The following KIAA1217 variants were observed in gnomAD, a reference collection of about 807,000 sequenced individuals.
KIAA1217 encodes the protein KIAA1217.
A neutral mutation model predicts 163.9 loss-of-function variants in KIAA1217; 88 were observed. The ratio of observed to expected loss-of-function variants is 0.54; its 90% CI spans 0.45 to 0.64. KIAA1217 has a LOEUF of 0.64. KIAA1217 is among the 30% of genes least tolerant of loss of function. The pLI is 0.00. For synonymous variants in KIAA1217, 903 were observed against 923.1 expected (o/e 0.98, Z 0.39); for missense variants, 2,372 against 2,475.0 (o/e 0.96, Z 0.88).
chr10:23,791,401 G>GA (rs1365584841), intron 1 of KIAA1217, among the ~76,000 whole-genome samples: 3 of 151,732 alleles, frequency 2.0e-5, no homozygotes, highest in Admixed American at 1.3e-4. Context: ...GAGTTATTTT[G>GA]AAAAAAAGAA....
intron 1 of KIAA1217, among the ~76,000 whole-genome samples, chr10:23,823,530 C>T (rs1837724939): frequency 2.0e-5 from 3 of 152,142 alleles, no homozygotes; most frequent in South Asian, 4.1e-4. Context: ...CAGGATAACT[C>T]CCTCAAAATC....
intron 3 of KIAA1217, among the ~76,000 whole-genome samples, chr10:24,387,681 A>C (rs1359702768): frequency 2.0e-5 from 3 of 152,226 alleles, no homozygotes; most frequent in African/African-American, 4.8e-5. Context: ...AAATCTCCTT[A>C]AGCTGATAAG....
chr10:23,761,075 T>A (rs1016497350), intron 1 of KIAA1217, among the ~76,000 whole-genome samples: 5 of 151,810 alleles, frequency 3.3e-5, no homozygotes, highest in African/African-American at 1.2e-4. Context: ...CATCGTGAGA[T>A]CTCATCTCTA....
At chr10:24,236,476 T>C (rs1369441541) in intron 2 of KIAA1217, among the ~76,000 whole-genome samples, 3 of 152,132 alleles carry the variant, frequency 2.0e-5, no homozygotes, top group Non-Finnish European at 4.4e-5. Flanking sequence ...ACTCCTGGCC[T>C]CAGGTGATCC....
At chr10:24,367,243 C>CT (rs1201626053) in intron 2 of KIAA1217, 1 of 747,438 alleles carries the variant, frequency 1.3e-6, no homozygotes, top group Non-Finnish European at 1.6e-6. Flanking sequence ...GTTGCACCCT[C>CT]ATCCTGCACC....
At chr10:24,169,791 T>C (rs2065537662) in intron 2 of KIAA1217, among the ~76,000 whole-genome samples, 1 of 152,136 alleles carries the variant, frequency 6.6e-6, no homozygotes, top group African/African-American at 2.4e-5. Context: ...TCATCTGGTT[T>C]CCATGGCAAC....
intron 2 of KIAA1217, among the ~76,000 whole-genome samples, chr10:24,252,959 C>G (rs542854405): frequency 1.3e-5 from 2 of 151,154 alleles, no homozygotes; most frequent in South Asian, 4.2e-4. Flanking sequence ...TTGAGACCAG[C>G]CTGGGTAATA....
chr10:24,352,890 G>A lies in KIAA1217; in HGVS notation c.355-27979G>A, dbSNP rs562225111. ...AGTGCAAGCGAAAGGAGGGAATGTG[G>A]CTTTATAGGGGCTTGCAGGTAGATG... On this transcript the variant is annotated intron_variant, in intron 2 of 20. Transcript: ENST00000376454. 2.0e-5 allele frequency among the ~76,000 whole-genome samples: 3 copies of A among 152,092 alleles called. No homozygotes were observed. The South Asian group carries it at 6.2e-4, about 32-fold the overall frequency.
At chr10:24,403,682 T>C (rs2056838050) in intron 3 of KIAA1217, among the ~76,000 whole-genome samples, 1 of 152,060 alleles carries the variant, frequency 6.6e-6, no homozygotes, top group Non-Finnish European at 1.5e-5. Flanking sequence ...CAATTAGAAA[T>C]TGGATGAACT....
At chr10:24,257,927 C>T (rs2075330086) in intron 2 of KIAA1217, among the ~76,000 whole-genome samples, 1 of 152,194 alleles carries the variant, frequency 6.6e-6, no homozygotes, top group Non-Finnish European at 1.5e-5. Flanking sequence ...CTCCTAACTC[C>T]TTTCTCTTCC....
At chr10:24,236,536 G>A (rs1234975369) in intron 2 of KIAA1217, among the ~76,000 whole-genome samples, 2 of 150,666 alleles carry the variant, frequency 1.3e-5, no homozygotes, top group African/African-American at 2.4e-5. Context: ...GAGCCACTGC[G>A]CTAGGCTCAT....
chr10:24,292,010 T>C (rs2079133703), intron 2 of KIAA1217, among the ~76,000 whole-genome samples: 1 of 152,172 alleles, frequency 6.6e-6, no homozygotes, highest in Non-Finnish European at 1.5e-5. Context: ...TTTTGTTTAG[T>C]GGATTAAAAA....
intron 2 of KIAA1217, among the ~76,000 whole-genome samples, chr10:24,013,836 A>C (rs1847356341): frequency 6.6e-6 from 1 of 152,062 alleles, no homozygotes; most frequent in Non-Finnish European, 1.5e-5. Context: ...GGAGGGAAGG[A>C]GAGATATGGA....
At chr10:24,339,033 C>T (rs1273410003) in intron 2 of KIAA1217, among the ~76,000 whole-genome samples, 1 of 152,124 alleles carries the variant, frequency 6.6e-6, no homozygotes, top group Non-Finnish European at 1.5e-5. Context: ...ATCTGTAAAA[C>T]TGAAGATTCC....
intron 1 of KIAA1217, among the ~76,000 whole-genome samples, chr10:23,812,365 G>GTGAA (rs1426776072): frequency 6.6e-6 from 1 of 152,176 alleles, no homozygotes; most frequent in East Asian, 1.9e-4. Context: ...GTTAATTCAT[G>GTGAA]TGAATGCCTT....
intron 2 of KIAA1217, among the ~76,000 whole-genome samples, chr10:24,076,931 C>G (rs186091905): frequency 6.8e-6 from 1 of 146,550 alleles, no homozygotes; most frequent in Non-Finnish European, 1.5e-5. Context: ...GGCTAGTGTG[C>G]GACAGTGCAA....
At chr10:23,913,697 T>C (rs1378777947) in intron 1 of KIAA1217, among the ~76,000 whole-genome samples, 1 of 152,138 alleles carries the variant, frequency 6.6e-6, no homozygotes, top group Non-Finnish European at 1.5e-5. Context: ...TCGATTGGCA[T>C]GTACCCTAAG....
At chr10:24,438,610 G>A (rs1591946750) in intron 5 of KIAA1217, 131 bp downstream of exon 5, 1 of 607,810 alleles carries the variant, frequency 1.6e-6, no homozygotes, top group South Asian at 2.2e-5. Context: ...CTCACCTAGT[G>A]GATCATTATT....
At chr10:24,035,575 C>T (rs898882379) in intron 2 of KIAA1217, among the ~76,000 whole-genome samples, 7 of 152,118 alleles carry the variant, frequency 4.6e-5, no homozygotes, top group East Asian at 1.9e-4. Flanking sequence ...GCTTCAGGGC[C>T]GATTAGTATC....
Sources: gnomAD v4.1 joint callset for allele counts (sites outside exome capture counted in the v4.1 genomes callset) on GRCh38, gnomAD v4.1.1 for gene constraint, MANE v1.5 for transcripts, NCBI Gene and HGNC (gene_info 2026-07-23, HGNC 2026-07-21) for gene names.